Variants in GNG2 observed in about 807,000 individuals in gnomAD.
GNG2 encodes guanine nucleotide-binding protein G(I)/G(S)/G(O) subunit gamma-2.
Under a neutral mutation model 5.5 loss-of-function variants are expected in GNG2, and 5 were observed. The ratio of observed to expected loss-of-function variants is 0.91; its 90% CI spans 0.48 to 1.92. GNG2 has a LOEUF of 1.92. GNG2 is among the 30% of genes most tolerant of loss of function. The pLI is 0.01. For missense variants in GNG2, 55 were observed against 88.4 expected (o/e 0.62, Z 1.52); for synonymous variants, 28 against 32.0 (o/e 0.88, Z 0.42).
intron 2 of GNG2, among the ~76,000 whole-genome samples, chr14:51,902,214 T>C (rs2140182422): frequency 6.6e-6 from 1 of 152,316 alleles, no homozygotes; most frequent in Non-Finnish European, 1.5e-5. Context: ...AAAATTATAG[T>C]TATTTAACCA....
chr14:51,916,492 T>G, intron 2 of GNG2: 1 of 446,878 alleles, frequency 2.2e-6, no homozygotes. Flanking sequence ...GCTAAAAATT[T>G]TCCACGAAAA....
intron 2 of GNG2, among the ~76,000 whole-genome samples, chr14:51,854,809 G>A (rs4243584): frequency 0.075 from 11,406 of 152,104 alleles, 1,428 homozygotes; most frequent in African/African-American, 0.26. Context: ...CACCGCACCC[G>A]GCCGGCCGTG....
rs972378297 is a variant in GNG2, at chr14:51,880,836, A to G, written c.-30+3179A>G. Among the ~76,000 whole-genome samples the G allele has an allele frequency of 2.0e-5, 3 of 152,242 alleles. 1 individual carries two copies. The South Asian group carries it at 6.2e-4, about 32-fold the overall frequency. ...ACATTGATGCATTGTTAAAATATAA[A>G]TTTTGAGTGAACCAAATAATGACCA... On this transcript the variant is annotated intron_variant, in intron 2 of 3. Transcript: ENST00000556766.
chr14:51,897,563 A>C (rs1187292056), intron 2 of GNG2, among the ~76,000 whole-genome samples: 1 of 152,138 alleles, frequency 6.6e-6, no homozygotes, highest in Non-Finnish European at 1.5e-5. Context: ...AGATAAGTTG[A>C]GGAGTTTGAT....
rs1890111292 is a variant in GNG2, at chr14:51,969,669, C to T, written c.*2982C>T. On this transcript the variant is annotated 3_prime_UTR_variant, in exon 4 of 4. Transcript: ENST00000556766. ...TGTTCACATTTTTCCTATATAAGATCTGTGGAGTGTGTGTTTCAAAGAGAG... is the reference window on the plus strand; with the variant it reads ...TGTTCACATTTTTCCTATATAAGATTTGTGGAGTGTGTGTTTCAAAGAGAG... The T allele has an allele frequency of 6.6e-6, 1 of 152,140 alleles. No individual in the cohort carries two copies. Among genetic ancestry groups the T allele is most frequent in the South Asian group, 2.1e-4 (1 of 4,826 alleles). 9.4% of individuals were successfully genotyped at this position (152,140 alleles called of 1,614,324 possible).
At position 51,966,742 on chromosome 14, in the gene GNG2, T is replaced by G. The variant is rs1889942632; in HGVS notation, c.*55T>G. The G allele has an allele frequency of 2.0e-6, 3 of 1,536,828 alleles. No homozygotes were observed. The South Asian group carries it at 3.4e-5, about 17-fold the overall frequency. On this transcript the variant is annotated 3_prime_UTR_variant, in exon 4 of 4. Coordinates refer to ENST00000556766, the MANE Select transcript of GNG2 (RefSeq NM_053064.5). ...GGCTCCTGGGACATTGATGTAGAGT[T>G]TTTAGTGAAGTGGGCACCTTTCTAG... is the stretch of plus-strand genomic sequence containing the variant.
chr14:51,895,465 G>T (rs955403082), intron 2 of GNG2, among the ~76,000 whole-genome samples: 2 of 152,190 alleles, frequency 1.3e-5, no homozygotes, highest in Non-Finnish European at 2.9e-5. Context: ...TCCAGAGAAA[G>T]ATGCCAAGAT....
chr14:51,934,816 T>C (rs575794352), intron 2 of GNG2, among the ~76,000 whole-genome samples: 48 of 151,774 alleles, frequency 3.2e-4, no homozygotes, highest in African/African-American at 1.1e-3. Flanking sequence ...AAAAGAGCTG[T>C]CCTCTAAAAA....
chr14:51,883,333 T>C (rs941105378), intron 2 of GNG2, among the ~76,000 whole-genome samples: 3 of 152,242 alleles, frequency 2.0e-5, no homozygotes, highest in African/African-American at 7.2e-5. Context: ...CATTCAAACT[T>C]CCTAGCCATT....
chr14:51,858,970 CAG>C (rs1378948439), upstream of GNG2, among the ~76,000 whole-genome samples: 3 of 152,192 alleles, frequency 2.0e-5, no homozygotes, highest in Non-Finnish European at 4.4e-5. Flanking sequence ...GGGACTGTCT[CAG>C]AACATTTCAT....
intron 3 of GNG2, among the ~76,000 whole-genome samples, chr14:51,958,542 A>C (rs184474432): frequency 6.7e-6 from 1 of 149,730 alleles, no homozygotes; most frequent in Admixed American, 6.7e-5. Flanking sequence ...TGCAGGGTTC[A>C]TTCCAGTTTT....
In GNG2 at chr14:51,833,591, T is replaced by C. The variant is rs530313289; in HGVS notation, c.64+5784T>C. The stretch of plus-strand genomic sequence containing the variant: ...AAAAGGTGGAGATGCCAGATAAAAC[T>C]TAATGTGGACCATCCTAAGGAATTT... On this transcript the variant is annotated intron_variant, in intron 2 of 3. Transcript: ENST00000553432. 1.4e-4 allele frequency among the ~76,000 whole-genome samples: 22 copies of C among 152,352 alleles called. No individual in the cohort carries two copies. In the South Asian group the frequency reaches 4.6e-3, roughly 32 times the overall value.
chr14:51,837,797 A>AT (rs1194248921), intron 2 of GNG2, among the ~76,000 whole-genome samples: 1 of 152,178 alleles, frequency 6.6e-6, no homozygotes, highest in Non-Finnish European at 1.5e-5. Flanking sequence ...TTTGAATAAG[A>AT]TTCATAATTT....
At chr14:51,890,839 G>A (rs191620686) in intron 2 of GNG2, among the ~76,000 whole-genome samples, 40 of 152,126 alleles carry the variant, frequency 2.6e-4, no homozygotes, top group African/African-American at 6.0e-4. Flanking sequence ...TGTAACAAAA[G>A]ACAGATTAAA....
chr14:51,844,864 T>G (rs552309801), intron 2 of GNG2, among the ~76,000 whole-genome samples: 7 of 152,316 alleles, frequency 4.6e-5, no homozygotes, highest in Admixed American at 3.9e-4. Context: ...TAGCTGGGAT[T>G]ACAGGCGCAC....
At chr14:51,854,142 G>T (rs186097074) in intron 2 of GNG2, among the ~76,000 whole-genome samples, 154 of 152,254 alleles carry the variant, frequency 1.0e-3, no homozygotes, top group African/African-American at 3.6e-3. Flanking sequence ...CCAAAGTGCT[G>T]GGATTACAGA....
At chr14:51,883,409 C>T (rs979076849) in intron 2 of GNG2, among the ~76,000 whole-genome samples, 1 of 152,132 alleles carries the variant, frequency 6.6e-6, no homozygotes, top group African/African-American at 2.4e-5. Flanking sequence ...GCCATGTAAC[C>T]TTTAATTTCT....
intron 2 of GNG2, among the ~76,000 whole-genome samples, chr14:51,831,720 G>A (rs1174802533): frequency 1.3e-5 from 2 of 152,166 alleles, no homozygotes; most frequent in Non-Finnish European, 2.9e-5. Context: ...CACTAGAGAA[G>A]CTCTACTATA....
At chr14:51,830,045 A>C (rs1482935963) in intron 2 of GNG2, among the ~76,000 whole-genome samples, 2 of 152,016 alleles carry the variant, frequency 1.3e-5, no homozygotes, top group East Asian at 3.9e-4. Flanking sequence ...GTTTCACCAT[A>C]TTGGCCAGGC....
Sources: allele counts gnomAD v4.1 joint callset (sites outside exome capture counted in the v4.1 genomes callset), GRCh38; gene constraint gnomAD v4.1.1; transcripts MANE v1.5; gene names NCBI Gene and HGNC (gene_info 2026-07-23, HGNC 2026-07-21).